Variants in CA10 observed in about 807,000 individuals in gnomAD.
CA10 encodes the protein carbonic anhydrase-related protein 10.
CA10 carries 14 observed loss-of-function variants against 44.2 expected under a neutral mutation model. The ratio of observed to expected loss-of-function variants is 0.32; its 90% CI spans 0.21 to 0.50. CA10 has a LOEUF of 0.50. Ranked by LOEUF, CA10 falls within the 20% of genes least tolerant of loss-of-function variation. The probability of loss-of-function intolerance (pLI) is 0.99; values close to 1 mark genes in which losing one functional copy is unlikely to be tolerated. For missense variants in CA10, 350 were observed against 409.7 expected (o/e 0.85, Z 1.26); for synonymous variants, 159 against 141.6 (o/e 1.12, Z -0.87).
chr17:52,018,973 G>A (rs1986054086), intron 2 of CA10, among the ~76,000 whole-genome samples: 1 of 151,988 alleles, frequency 6.6e-6, no homozygotes, highest in South Asian at 2.1e-4. Flanking sequence ...AAAAGAGACC[G>A]ACACTCCTTC....
chr17:52,159,676 C>G (rs1372551854), upstream of CA10: 2 of 152,314 alleles, frequency 1.3e-5, no homozygotes, highest in African/African-American at 4.8e-5. Context: ...GCGGCGCGAG[C>G]ACCACCCACC....
Position 51,806,829 on chromosome 17 carries a change from T to C in CA10, c.280-59011A>G, listed in dbSNP as rs147125128. On this transcript the variant is annotated intron_variant, in intron 3 of 8. Transcript: ENST00000451037. ...ATAGTATTCAAAGCACTTTCCTTCA[T>C]TGGGGAAATTGTTGCTGAGCACCTA... 4.6e-5 allele frequency among the ~76,000 whole-genome samples: 7 copies of C among 152,322 alleles called. No homozygotes were observed. In the East Asian group the frequency reaches 1.2e-3, roughly 25 times the overall value.
intron 4 of CA10, among the ~76,000 whole-genome samples, chr17:51,740,031 TA>T (rs1354821702): frequency 6.6e-6 from 1 of 152,138 alleles, no homozygotes. Context: ...TAATTTAACA[TA>T]AAAAATTCTA....
intron 3 of CA10, among the ~76,000 whole-genome samples, chr17:51,874,094 T>C (rs920342693): frequency 2.0e-5 from 3 of 152,254 alleles, no homozygotes; most frequent in Non-Finnish European, 4.4e-5. Flanking sequence ...TGACTTGTTT[T>C]ATGAACTTCC....
At chr17:51,857,419 C>A (rs1303536649) in intron 3 of CA10, among the ~76,000 whole-genome samples, 3 of 152,092 alleles carry the variant, frequency 2.0e-5, no homozygotes, top group Admixed American at 2.0e-4. Flanking sequence ...CAGCCAAGAG[C>A]ATGACTCTGT....
intron 1 of CA10, among the ~76,000 whole-genome samples, chr17:52,083,438 A>G (rs1047046964): frequency 2.6e-5 from 4 of 152,176 alleles, no homozygotes; most frequent in Non-Finnish European, 5.9e-5. Flanking sequence ...TATAAATTTA[A>G]AAAGTACAAA....
chr17:51,963,681 A>C (rs1983975885), intron 2 of CA10, among the ~76,000 whole-genome samples: 1 of 152,212 alleles, frequency 6.6e-6, no homozygotes, highest in Non-Finnish European at 1.5e-5. Flanking sequence ...TTCTAAGTGA[A>C]GGAGAAATAA....
At chr17:52,145,772 T>C (rs977089408) in intron 1 of CA10, among the ~76,000 whole-genome samples, 2 of 152,196 alleles carry the variant, frequency 1.3e-5, no homozygotes, top group Non-Finnish European at 2.9e-5. Flanking sequence ...GCTTACTCTC[T>C]CAAGGAATTC....
At chr17:52,023,056 G>T (rs1391608582) in intron 2 of CA10, among the ~76,000 whole-genome samples, 2 of 152,052 alleles carry the variant, frequency 1.3e-5, no homozygotes, top group Non-Finnish European at 1.5e-5. Context: ...CAGATTTGAT[G>T]TTATTCCTTG....
At chr17:51,885,040 T>C (rs1479266575) in intron 3 of CA10, among the ~76,000 whole-genome samples, 1 of 152,192 alleles carries the variant, frequency 6.6e-6, no homozygotes, top group African/African-American at 2.4e-5. Flanking sequence ...TATTTCCAAA[T>C]GAAATCACAT....
intron 1 of CA10, among the ~76,000 whole-genome samples, chr17:52,143,095 G>A (rs2143389031): frequency 6.6e-6 from 1 of 152,118 alleles, no homozygotes; most frequent in African/African-American, 2.4e-5. Context: ...AAGATCACCA[G>A]ATTAATAATA....
At chr17:52,146,461 C>T (rs1364321708) in intron 1 of CA10, among the ~76,000 whole-genome samples, 3 of 151,866 alleles carry the variant, frequency 2.0e-5, no homozygotes, top group East Asian at 3.9e-4. Flanking sequence ...GAGGCTGAGG[C>T]GGGCGGATCA....
chr17:51,808,948 G>T (rs1316446470), intron 3 of CA10, among the ~76,000 whole-genome samples: 1 of 151,790 alleles, frequency 6.6e-6, no homozygotes, highest in Non-Finnish European at 1.5e-5. Flanking sequence ...TATCTTTAAG[G>T]CTTCCTTTCT....
intron 2 of CA10, among the ~76,000 whole-genome samples, chr17:52,067,856 G>A (rs1987576791): frequency 6.6e-6 from 1 of 152,200 alleles, no homozygotes; most frequent in African/African-American, 2.4e-5. Flanking sequence ...CATTTGGAAT[G>A]GCTCTATTTA....
At chr17:52,101,256 T>C (rs1309390948) in intron 1 of CA10, among the ~76,000 whole-genome samples, 1 of 152,196 alleles carries the variant, frequency 6.6e-6, no homozygotes, top group Non-Finnish European at 1.5e-5. Flanking sequence ...CTGCAACACA[T>C]ACATCCTTTT....
chr17:52,090,538 T>C (rs879781427), intron 1 of CA10, among the ~76,000 whole-genome samples: 5 of 152,092 alleles, frequency 3.3e-5, no homozygotes, highest in Admixed American at 6.6e-5. Flanking sequence ...ACTAAGAAAA[T>C]TGGCTAATTG....
chr17:51,706,540 A>G (rs1363534458), intron 4 of CA10, among the ~76,000 whole-genome samples: 1 of 152,208 alleles, frequency 6.6e-6, no homozygotes, highest in Non-Finnish European at 1.5e-5. Context: ...TGGCCTCCTA[A>G]TAGGCCTGCC....
chr17:52,082,074 G>A (rs149410538), intron 1 of CA10, among the ~76,000 whole-genome samples: 46 of 152,252 alleles, frequency 3.0e-4, no homozygotes, highest in African/African-American at 1.1e-3. Context: ...GCTGTCTCAA[G>A]GGTAAAAATG....
chr17:51,921,881 C>A (rs2143973496), intron 3 of CA10, among the ~76,000 whole-genome samples: 1 of 152,188 alleles, frequency 6.6e-6, no homozygotes, highest in South Asian at 2.1e-4. Flanking sequence ...ATCTTTATGC[C>A]TTTTGGGTTT....
Sources: allele counts gnomAD v4.1 joint callset (sites outside exome capture counted in the v4.1 genomes callset), GRCh38; gene constraint gnomAD v4.1.1; transcripts MANE v1.5; gene names NCBI Gene and HGNC (gene_info 2026-07-23, HGNC 2026-07-21).